Variants in LRRC56 observed in about 807,000 individuals in gnomAD.
The protein encoded by LRRC56 is leucine rich repeat containing 56, also known as leucine-rich repeat-containing protein 56.
In LRRC56, 41 loss-of-function variants were observed where a neutral mutation model predicts 47.8. That is an observed-to-expected ratio of 0.86 (90% CI 0.67 to 1.11). The LOEUF is 1.11. LRRC56 is among the 50% of genes most tolerant of loss of function. The pLI is 0.00. For missense variants in LRRC56, 759 were observed against 704.2 expected, an observed-to-expected ratio of 1.08 and a Z score of -0.88; for synonymous variants, 387 against 311.2, an observed-to-expected ratio of 1.24 and a Z score of -2.56.
At chr11:536,109 C>G (rs982050249), upstream of LRRC56, among the ~76,000 whole-genome samples, 14 of 152,234 alleles carry the variant, frequency 9.2e-5, no homozygotes, top group Non-Finnish European at 5.9e-5. Context: ...CCACCACGCA[C>G]CCCAGCTCCC....
chr11:552,650 A>G lies in LRRC56; in HGVS notation c.1263A>G (p.Gln421=). ...GCCCACGGAGGGTCCCTGAAGAGCA[A>G]GTGCACCAGGCAGAGCCCAAGACTC... ...PWGPRRVPEE[Q]VHQAEPKTPS... is the part of the protein sequence containing the mutation. Residue 421 remains glutamine, a synonymous_variant, in exon 13 of 14, where the codon CAA becomes CAG. Transcript: ENST00000270115. The G allele has an allele frequency of 6.2e-7, 1 of 1,611,766 alleles. No individual in the cohort carries two copies. Among genetic ancestry groups the G allele is most frequent in the East Asian group, 2.2e-5 (1 of 44,856 alleles).
chr11:528,301 G>A, the LRRC56 span, among the ~76,000 whole-genome samples: 1 of 152,230 alleles, frequency 6.6e-6, no homozygotes. Flanking sequence ...GATCCGACGG[G>A]CAGGCGGCGC....
chr11:552,837 C>A, intron 13 of LRRC56, 135 bp downstream of exon 13: 1 of 777,576 alleles, frequency 1.3e-6, no homozygotes, highest in Non-Finnish European at 2.0e-6. Context: ...GGGACTGTAA[C>A]AGGGAGGCCC....
At position 541,516 on chromosome 11, in the gene LRRC56, A is replaced by AC; in HGVS notation, c.178-16dup. The AC allele has an allele frequency of 2.7e-6, 4 of 1,471,216 alleles. No individual in the cohort carries two copies. The highest frequency in any genetic ancestry group is 2.5e-5 in the East Asian group (1 of 39,622). The allele number at this position is 1,471,216 out of a possible 1,614,324, so 91.1% of individuals were successfully genotyped here. A position where few individuals can be genotyped will look rare whatever the true frequency, so the allele number is the denominator to read the frequency against. ...GTGGGGAGAGCCAGGACCAGCGCTG[A>AC]CCCCCGGTTGGTTTCTACAGCAGGC... is the stretch of plus-strand genomic sequence containing the variant. On this transcript the variant is annotated intron_variant, in intron 4 of 13. Coordinates refer to ENST00000270115, the MANE Select transcript of LRRC56 (RefSeq NM_198075.4). The surrounding 1 kb of genome is among the most constrained non-coding windows in gnomAD (Gnocchi z 4.1).
chr11:552,682 G>GC lies in LRRC56; in HGVS notation c.1301dup (p.Ser435LysfsTer57), dbSNP rs1372972800. 1 of 1,607,976 alleles carries GC rather than the reference G, an allele frequency of 6.2e-7. No homozygotes were observed. The highest frequency in any genetic ancestry group is 8.5e-7 in the Non-Finnish European group (1 of 1,177,348). Reference sequence around the variant, plus strand: ...CAGGCAGAGCCCAAGACTCCCTCCAGCCCCCCAAGCCTGGCCTCAGGTACT... The same window carrying GC: ...CAGGCAGAGCCCAAGACTCCCTCCAGCCCCCCCAAGCCTGGCCTCAGGTACT... On this transcript the variant is annotated frameshift_variant, in exon 13 of 14. Transcript: ENST00000270115. LOFTEE classifies it low-confidence loss of function (END_TRUNC).
chr11:552,423 C>T (rs1260373788), intron 12 of LRRC56, 146 bp from the exon 13 acceptor site: 2 of 1,127,874 alleles, frequency 1.8e-6, no homozygotes, highest in East Asian at 2.6e-5. Context: ...CGTGGACCAT[C>T]CCTGTGTGTC....
Position 551,944 on chromosome 11 carries a change from C to A in LRRC56, c.1015C>A (p.Arg339=). The change falls in exon 11 of 14, where the codon CGG becomes AGG. Residue 339 remains arginine, a synonymous_variant. Coordinates refer to ENST00000270115, the MANE Select transcript of LRRC56 (RefSeq NM_198075.4). The part of the protein sequence containing the change: ...VLCGNPTKGL[R]ERRHQCQARE... ...CTGTGGGAACCCCACCAAGGGCCTG[C>A]GGGAGCGTAGGCACCAGTGCCAGGT... The A allele has an allele frequency of 1.2e-6, 2 of 1,612,644 alleles. No individual in the cohort carries two copies. The highest frequency in any genetic ancestry group is 1.3e-5 in the African/African-American group (1 of 75,036).
the LRRC56 span, among the ~76,000 whole-genome samples, chr11:517,407 G>C: frequency 6.6e-6 from 1 of 151,166 alleles, no homozygotes; most frequent in African/African-American, 2.4e-5. Context: ...GGGCGCCTCT[G>C]CCTGGCTGCC....
At chr11:532,628 C>T (rs1851172096), upstream of LRRC56, 3 of 1,609,956 alleles carry the variant, frequency 1.9e-6, no homozygotes, top group South Asian at 2.2e-5. Flanking sequence ...GAGTCCCCCT[C>T]ACCTGCGTCA....
At chr11:553,912 T>TC in intron 13 of LRRC56, 51 bp from the exon 14 acceptor site, 1 of 1,559,554 alleles carries the variant, frequency 6.4e-7, no homozygotes, top group Non-Finnish European at 8.7e-7. Flanking sequence ...ACCGGGTGAC[T>TC]CCCTTCCCTG....
chr11:533,484 G>C (rs745637518), upstream of LRRC56: 1 of 1,613,494 alleles, frequency 6.2e-7, no homozygotes, highest in African/African-American at 1.3e-5. Flanking sequence ...CTCGATGTAG[G>C]GGATGCCGTA....
At chr11:544,695 A>ACCT (rs750854073) in intron 5 of LRRC56, 25 bp from the exon 6 acceptor site, 55 of 1,611,566 alleles carry the variant, frequency 3.4e-5, no homozygotes, top group Non-Finnish European at 4.6e-5. Flanking sequence ...GGCCGGGCCA[A>ACCT]CCTCCTCCTC....
the LRRC56 span, among the ~76,000 whole-genome samples, chr11:511,860 A>G: frequency 6.6e-6 from 1 of 152,176 alleles, no homozygotes; most frequent in South Asian, 2.1e-4. Flanking sequence ...CACCCCCCAC[A>G]CACACAGACA....
In LRRC56 at chr11:544,665, C is replaced by CA. The variant is rs1291600931; in HGVS notation, c.266-54dup. 3 of 1,574,346 alleles carry CA rather than the reference C, an allele frequency of 1.9e-6. No homozygotes were observed. In the African/African-American group the frequency reaches 4.1e-5, roughly 21 times the overall value. On this transcript the variant is annotated intron_variant, in intron 5 of 13. Coordinates refer to ENST00000270115, the MANE Select transcript of LRRC56 (RefSeq NM_198075.4). ...TGATGCCTAGGGGTGAAGGAGGGTGCAGAGGTGGGCGGGGTGAGGGGCCGG... is the reference window on the plus strand; with the variant it reads ...TGATGCCTAGGGGTGAAGGAGGGTGCAAGAGGTGGGCGGGGTGAGGGGCCGG...
intron 5 of LRRC56, among the ~76,000 whole-genome samples, chr11:542,593 A>AAC (rs1851853043): frequency 6.7e-6 from 1 of 149,172 alleles, no homozygotes; most frequent in South Asian, 2.1e-4. Context: ...AAAAAAAAAA[A>AAC]AAAAAAAAAA....
chr11:546,992 G>C (rs1384715106), intron 6 of LRRC56, among the ~76,000 whole-genome samples: 1 of 152,100 alleles, frequency 6.6e-6, no homozygotes, highest in African/African-American at 2.4e-5. Context: ...AGGAGGCGGA[G>C]GTTGCAGTAA....
intron 6 of LRRC56, among the ~76,000 whole-genome samples, chr11:549,473 G>C (rs975786496): frequency 6.6e-6 from 1 of 152,206 alleles, no homozygotes; most frequent in South Asian, 2.1e-4. Flanking sequence ...AGCTCAGCAC[G>C]GGGTCAGCCT....
chr11:550,580 GCACA>G (rs951180457), intron 8 of LRRC56, among the ~76,000 whole-genome samples: 3 of 152,136 alleles, frequency 2.0e-5, no homozygotes, highest in Non-Finnish European at 4.4e-5. Context: ...ACGGATGTGT[GCACA>G]CACACACCTG....
At position 554,864 on chromosome 11, in the gene LRRC56, A is replaced by C; in HGVS notation, c.*588A>C. On this transcript the variant is annotated 3_prime_UTR_variant, in exon 14 of 14. Coordinates refer to ENST00000270115, the MANE Select transcript of LRRC56 (RefSeq NM_198075.4). ...ATTTCCAGCTCTCAGGTGTACAGAA[A>C]TGCGGTTTACTTTGTAGGCCACGTT... The C allele has an allele frequency of 1.4e-6, 1 of 718,790 alleles. No individual in the cohort carries two copies. Among genetic ancestry groups the C allele is most frequent in the Non-Finnish European group, 2.1e-6 (1 of 471,826 alleles). 44.5% of individuals were successfully genotyped at this position (718,790 alleles called of 1,614,324 possible). A position where few individuals can be genotyped will look rare whatever the true frequency, so the allele number is the denominator to read the frequency against.
Sources: gnomAD v4.1 joint callset for allele counts (sites outside exome capture counted in the v4.1 genomes callset) on GRCh38, gnomAD v4.1.1 for gene constraint, Gnocchi (gnomAD v3.1) non-coding constraint, MANE v1.5 for transcripts, NCBI Gene and HGNC (gene_info 2026-07-23, HGNC 2026-07-21) for gene names.